The following GUCY1A2 variants were observed in gnomAD, a reference collection of about 807,000 sequenced individuals.
GUCY1A2 encodes guanylate cyclase soluble subunit alpha-2.
GUCY1A2 carries 27 observed loss-of-function variants against 63.5 expected under a neutral mutation model. That is an observed-to-expected ratio of 0.43 (90% confidence interval 0.31 to 0.59). The LOEUF is 0.59. Among genes scored for constraint, GUCY1A2 ranks in the 20% least tolerant of loss-of-function variants. The pLI is 0.11. For synonymous variants in GUCY1A2, 364 were observed against 343.5 expected (o/e 1.06, Z -0.66); for missense variants, 768 against 913.3 (o/e 0.84, Z 2.05).
chr11:106,713,255 G>GT (rs988377428), intron 6 of GUCY1A2, among the ~76,000 whole-genome samples: 11 of 151,948 alleles, frequency 7.2e-5, no homozygotes, highest in Non-Finnish European at 1.2e-4. Flanking sequence ...ATTTTAAAAA[G>GT]TTTTTTTAAA....
intron 1 of GUCY1A2, among the ~76,000 whole-genome samples, chr11:106,996,787 G>A (rs1861545214): frequency 6.6e-6 from 1 of 152,162 alleles, no homozygotes; most frequent in Non-Finnish European, 1.5e-5. Context: ...TACTCAGGGT[G>A]GGTCCTGCCT....
intron 6 of GUCY1A2, among the ~76,000 whole-genome samples, chr11:106,762,780 T>G (rs1864087993): frequency 6.6e-6 from 1 of 152,126 alleles, no homozygotes; most frequent in South Asian, 2.1e-4. Flanking sequence ...AAGCAGTAGT[T>G]TGCTCATATT....
intron 6 of GUCY1A2, among the ~76,000 whole-genome samples, chr11:106,755,944 G>A (rs1863965735): frequency 6.6e-6 from 1 of 152,130 alleles, no homozygotes; most frequent in African/African-American, 2.4e-5. Flanking sequence ...GTTGACATTA[G>A]GGTGTTAAAT....
chr11:106,985,099 C>T (rs933998616), intron 2 of GUCY1A2, among the ~76,000 whole-genome samples: 1 of 152,038 alleles, frequency 6.6e-6, no homozygotes, highest in African/African-American at 2.4e-5. Flanking sequence ...CCGTAATAAT[C>T]AAAATTATGT....
At chr11:106,795,938 A>C (rs1864750417) in intron 5 of GUCY1A2, among the ~76,000 whole-genome samples, 1 of 152,118 alleles carries the variant, frequency 6.6e-6, no homozygotes, top group African/African-American at 2.4e-5. Flanking sequence ...ATTGTGTGGG[A>C]GTCTAAGTCT....
At chr11:106,896,458 TAATAA>T (rs1860051122) in intron 4 of GUCY1A2, among the ~76,000 whole-genome samples, 1 of 152,154 alleles carries the variant, frequency 6.6e-6, no homozygotes. Context: ...AAGTCCTAGC[TAATAA>T]AATAATAAAG....
chr11:106,957,855 C>CTTTT (rs59519013), intron 3 of GUCY1A2, among the ~76,000 whole-genome samples: 10 of 87,244 alleles, frequency 1.1e-4, no homozygotes, highest in African/African-American at 3.3e-4. Flanking sequence ...AAGGGACAAA[C>CTTTT]TTTTTTTTTT....
chr11:106,828,462 C>T (rs544806094), intron 4 of GUCY1A2, among the ~76,000 whole-genome samples: 1 of 152,154 alleles, frequency 6.6e-6, no homozygotes, highest in Admixed American at 6.5e-5. Flanking sequence ...GGTGTCCTTT[C>T]CCTATTGTTT....
At chr11:106,954,390 G>C (rs549947530) in intron 3 of GUCY1A2, among the ~76,000 whole-genome samples, 37 of 152,224 alleles carry the variant, frequency 2.4e-4, no homozygotes, top group African/African-American at 8.4e-4. Flanking sequence ...TACGATTTCA[G>C]TTCTTTTGCA....
At chr11:106,920,170 C>T (rs1860423736) in intron 4 of GUCY1A2, among the ~76,000 whole-genome samples, 3 of 151,734 alleles carry the variant, frequency 2.0e-5, no homozygotes, top group South Asian at 4.2e-4. Flanking sequence ...CACACACACA[C>T]GCACACACCA....
At chr11:106,917,813 G>T (rs1190881563) in intron 4 of GUCY1A2, among the ~76,000 whole-genome samples, 3 of 101,540 alleles carry the variant, frequency 3.0e-5, no homozygotes, top group African/African-American at 9.9e-5. Context: ...GGAGGGGGGA[G>T]GGATGGCACT....
intron 4 of GUCY1A2, chr11:106,826,603 C>A: frequency 6.2e-7 from 1 of 1,604,096 alleles, no homozygotes; most frequent in Non-Finnish European, 8.5e-7. Flanking sequence ...ATGATCTGAA[C>A]CTAAGCCCTG....
intron 1 of GUCY1A2, among the ~76,000 whole-genome samples, chr11:107,012,165 C>T (rs1435967738): frequency 1.3e-5 from 2 of 151,804 alleles, no homozygotes; most frequent in African/African-American, 4.8e-5. Context: ...TGTGTACACA[C>T]ATGAGTCATA....
At chr11:106,963,602 C>G (rs1861087499) in intron 3 of GUCY1A2, among the ~76,000 whole-genome samples, 1 of 152,122 alleles carries the variant, frequency 6.6e-6, no homozygotes, top group South Asian at 2.1e-4. Context: ...ATCTCCATAT[C>G]ACCAAATCAC....
intron 6 of GUCY1A2, among the ~76,000 whole-genome samples, chr11:106,766,955 T>A (rs1864174809): frequency 6.6e-6 from 1 of 152,086 alleles, no homozygotes; most frequent in Non-Finnish European, 1.5e-5. Flanking sequence ...GAGATTCCTA[T>A]TCTTTACATA....
intron 1 of GUCY1A2, among the ~76,000 whole-genome samples, chr11:107,000,649 GTAGATAAATACATAGATATAAA>G (rs1211000013): frequency 2.0e-5 from 3 of 152,184 alleles, no homozygotes; most frequent in African/African-American, 7.2e-5. Context: ...TAGTAGATTG[GTAGATAAATACATAGATATAAA>G]TAGATAAATA....
At chr11:106,999,988 T>TA (rs1180255166) in intron 1 of GUCY1A2, among the ~76,000 whole-genome samples, 1 of 152,166 alleles carries the variant, frequency 6.6e-6, no homozygotes, top group African/African-American at 2.4e-5. Context: ...AATAAGGAGA[T>TA]AAAGTGCCTA....
In GUCY1A2 at chr11:107,017,745, C is replaced by G. The variant is rs553620333; in HGVS notation, c.303+8G>C. 1 of 1,388,930 alleles carries G rather than the reference C, an allele frequency of 7.2e-7. No homozygotes were observed. The highest frequency in any genetic ancestry group is 9.3e-7 in the Non-Finnish European group (1 of 1,072,430). The allele number at this position is 1,388,930 out of a possible 1,614,324, so 86.0% of individuals were successfully genotyped here. ...CGAAGGCGGTCCCCCCTTCCGCCCCCCGCTCACCGAGGGCGCCGTCAGGCG... is the reference window on the plus strand; with the variant it reads ...CGAAGGCGGTCCCCCCTTCCGCCCCGCGCTCACCGAGGGCGCCGTCAGGCG... On this transcript the variant is annotated splice_region_variant and intron_variant, in intron 1 of 7. Coordinates refer to ENST00000526355, the MANE Select transcript of GUCY1A2 (RefSeq NM_000855.3).
intron 4 of GUCY1A2, among the ~76,000 whole-genome samples, chr11:106,856,368 T>A (rs1429455670): frequency 6.6e-6 from 1 of 152,204 alleles, no homozygotes; most frequent in South Asian, 2.1e-4. Context: ...TTTGTTTCAC[T>A]GTCATTTTAC....
Sources: allele counts gnomAD v4.1 joint callset (sites outside exome capture counted in the v4.1 genomes callset), GRCh38; gene constraint gnomAD v4.1.1; transcripts MANE v1.5; gene names NCBI Gene and HGNC (gene_info 2026-07-23, HGNC 2026-07-21).